The following SORL1-AS1 variants were observed in gnomAD, a reference collection of about 807,000 sequenced individuals.
SORL1-AS1 encodes lncRNA 51 A.
chr11:121,445,600 T>G (rs1486661098), downstream of SORL1-AS1, among the ~76,000 whole-genome samples: 3 of 151,956 alleles, frequency 2.0e-5, no homozygotes, highest in Non-Finnish European at 4.4e-5. Flanking sequence ...CTCCTTCTCC[T>G]CAGACGCTGA....
exon 2 of SORL1-AS1, chr11:121,449,417 A>G (rs1860762031): frequency 6.6e-6 from 1 of 152,182 alleles, no homozygotes; most frequent in East Asian, 1.9e-4. Context: ...ATATTGCACG[A>G]TTCAGCTCTA....
exon 2 of SORL1-AS1, chr11:121,449,166 C>T (rs1277631465): frequency 6.6e-6 from 1 of 152,224 alleles, no homozygotes; most frequent in Non-Finnish European, 1.5e-5. Flanking sequence ...TAAAGTCTGA[C>T]AACAGGCTTA....
At chr11:121,445,238 G>A (rs548393918), downstream of SORL1-AS1, among the ~76,000 whole-genome samples, 185 of 152,310 alleles carry the variant, frequency 1.2e-3, no homozygotes, top group African/African-American at 4.2e-3. Context: ...AGTGAGGGGC[G>A]TGATCTGTCG....
At chr11:121,443,575 A>G (rs911517563), downstream of SORL1-AS1, among the ~76,000 whole-genome samples, 1 of 152,232 alleles carries the variant, frequency 6.6e-6, no homozygotes, top group African/African-American at 2.4e-5. Flanking sequence ...ATGTGTATAA[A>G]TTAACTTTAA....
At chr11:121,449,503 G>A (rs148434680) in exon 2 of SORL1-AS1, 165 of 152,296 alleles carry the variant, frequency 1.1e-3, no homozygotes, top group African/African-American at 3.7e-3. Context: ...GTTTGGGAGT[G>A]GTCAGGGCTG....
At chr11:121,448,219 T>C (rs886308478) in exon 2 of SORL1-AS1, 8 of 152,258 alleles carry the variant, frequency 5.3e-5, no homozygotes, top group African/African-American at 1.9e-4. Context: ...AACTTACTGC[T>C]ATTTCCAGAA....
rs1452684273 is a variant in SORL1-AS1, at chr11:121,452,346, C to A, written n.339+329G>T. 2.6e-6 allele frequency: 4 copies of A among 1,552,686 alleles called. No homozygotes were observed. Among genetic ancestry groups the A allele is most frequent in the Non-Finnish European group, 3.5e-6 (4 of 1,154,022 alleles). Reference sequence around the variant, plus strand: ...TTCGCCCGAACATGGCGACACGGAGCAGCAGGAGGGAGTCGCGACTCCCGT... The same window carrying A: ...TTCGCCCGAACATGGCGACACGGAGAAGCAGGAGGGAGTCGCGACTCCCGT... On this transcript the variant is annotated intron_variant and non_coding_transcript_variant, in intron 1 of 1. Coordinates refer to ENST00000501964, the Ensembl canonical transcript of SORL1-AS1. The surrounding 1 kb of genome is among the most constrained non-coding windows in gnomAD (Gnocchi z 5.3).
In SORL1-AS1 at chr11:121,452,530, A is replaced by C. The variant is rs911407554; in HGVS notation, n.339+145T>G. ...GCGGCTGTGGGCGCGCGGGGATGCC[A>C]GGGGGGCGAGCCGCGCGGACGAGAA... is the stretch of plus-strand genomic sequence containing the variant. On this transcript the variant is annotated intron_variant and non_coding_transcript_variant, in intron 1 of 1. Coordinates refer to ENST00000501964, the Ensembl canonical transcript of SORL1-AS1. This position sits in a 1 kb window ranked among gnomAD's most constrained non-coding sequence, Gnocchi z 5.3. 3 of 1,483,868 alleles carry C rather than the reference A, an allele frequency of 2.0e-6. No homozygotes were observed. The highest frequency in any genetic ancestry group is 1.8e-6 in the Non-Finnish European group (2 of 1,122,758). The allele number at this position is 1,483,868 out of a possible 1,614,324, so 91.9% of individuals were successfully genotyped here.
At chr11:121,449,567 A>C (rs987389562) in exon 2 of SORL1-AS1, 1 of 152,236 alleles carries the variant, frequency 6.6e-6, no homozygotes, top group East Asian at 1.9e-4. Flanking sequence ...AAGATGATCA[A>C]GACAAAAAAT....
downstream of SORL1-AS1, among the ~76,000 whole-genome samples, chr11:121,442,913 C>T (rs559313028): frequency 2.0e-5 from 3 of 150,580 alleles, no homozygotes; most frequent in African/African-American, 4.9e-5. Context: ...CTCCTGACCT[C>T]GTGATCCGTC....
exon 2 of SORL1-AS1, chr11:121,449,601 C>G (rs1052653872): frequency 6.6e-6 from 1 of 152,186 alleles, no homozygotes; most frequent in Non-Finnish European, 1.5e-5. Context: ...GGTTGCAAAG[C>G]CAGGACTAGA....
Position 121,452,648 on chromosome 11 carries a change from T to TA in SORL1-AS1, n.339+26_339+27insT. 7.0e-7 allele frequency: 1 copy of TA among 1,420,376 alleles called. No individual in the cohort carries two copies. Among genetic ancestry groups the TA allele is most frequent in the South Asian group, 1.5e-5 (1 of 67,676 alleles). 88.0% of individuals were successfully genotyped at this position (1,420,376 alleles called of 1,614,324 possible). A position where few individuals can be genotyped will look rare whatever the true frequency, so the allele number is the denominator to read the frequency against. On this transcript the variant is annotated intron_variant and non_coding_transcript_variant, in intron 1 of 1. Transcript: ENST00000501964. This position sits in a 1 kb window ranked among gnomAD's most constrained non-coding sequence, Gnocchi z 5.3. ...AGTTTTGCAACCCGCCTCCCTCCAG[T>TA]TTTTTCCTCTCCCTGCACTTCCTCA...
Position 121,450,867 on chromosome 11 carries a change from T to C in SORL1-AS1, n.340-968A>G, listed in dbSNP as rs542582602. The stretch of plus-strand genomic sequence containing the variant: ...GCAGAGGTCCCCAGCAAGTCTGGCA[T>C]GGGGTAGGGTAGGGTGGTTGAATAC... On this transcript the variant is annotated intron_variant and non_coding_transcript_variant, in intron 1 of 1. Coordinates refer to ENST00000501964, the Ensembl canonical transcript of SORL1-AS1. This position sits in a 1 kb window ranked among gnomAD's most constrained non-coding sequence, Gnocchi z 5.2. Among the ~76,000 whole-genome samples the C allele has an allele frequency of 6.6e-6, 1 of 152,010 alleles. No individual in the cohort carries two copies. Among genetic ancestry groups the C allele is most frequent in the South Asian group, 2.1e-4 (1 of 4,804 alleles).
downstream of SORL1-AS1, among the ~76,000 whole-genome samples, chr11:121,442,472 T>C (rs1320277147): frequency 4.6e-5 from 7 of 151,380 alleles, no homozygotes; most frequent in Non-Finnish European, 1.5e-5. Flanking sequence ...CCTTCTCTAC[T>C]AAAAATACAA....
exon 2 of SORL1-AS1, chr11:121,448,093 A>G (rs924760893): frequency 4.6e-5 from 7 of 152,194 alleles, no homozygotes; most frequent in African/African-American, 1.7e-4. Context: ...AGGTCTGTAA[A>G]ATGGGGGTGA....
At chr11:121,441,404 G>A in the SORL1-AS1 span, among the ~76,000 whole-genome samples, 5 of 151,360 alleles carry the variant, frequency 3.3e-5, no homozygotes, top group South Asian at 2.1e-4. Flanking sequence ...GGTGGTGGGC[G>A]CCTGCAGTCC....
At chr11:121,445,319 C>A (rs1036837781), downstream of SORL1-AS1, among the ~76,000 whole-genome samples, 4 of 152,160 alleles carry the variant, frequency 2.6e-5, no homozygotes, top group African/African-American at 4.8e-5. Flanking sequence ...AGGAGATGGG[C>A]AAAAGTGGCA....
At chr11:121,442,283 G>T in the SORL1-AS1 span, among the ~76,000 whole-genome samples, 1 of 152,128 alleles carries the variant, frequency 6.6e-6, no homozygotes, top group African/African-American at 2.4e-5. Flanking sequence ...TAAACTTATG[G>T]TTGGTAACGA....
chr11:121,449,106 C>T (rs1860758889), exon 2 of SORL1-AS1: 1 of 152,234 alleles, frequency 6.6e-6, no homozygotes, highest in South Asian at 2.1e-4. Context: ...TTGTCCTCTA[C>T]CTCCATCTCC....
Sources: allele counts gnomAD v4.1 joint callset (sites outside exome capture counted in the v4.1 genomes callset), GRCh38; gene constraint gnomAD v4.1.1; non-coding constraint Gnocchi (gnomAD v3.1); transcripts MANE v1.5; gene names NCBI Gene and HGNC (gene_info 2026-07-23, HGNC 2026-07-21).